The following SLC9A9 variants were observed in gnomAD, a reference collection of about 807,000 sequenced individuals.
SLC9A9 encodes the protein sodium/hydrogen exchanger 9.
SLC9A9 carries 62 observed loss-of-function variants against 77.8 expected under a neutral mutation model. The observed-to-expected ratio is 0.80, with a 90% CI of 0.65 to 0.98. The LOEUF (loss-of-function observed/expected upper bound fraction) is 0.98, where lower values mean the gene tolerates loss of function less well. Ranked by LOEUF, SLC9A9 falls within the 50% of genes least tolerant of loss-of-function variation. The pLI, the probability that SLC9A9 is intolerant of heterozygous loss-of-function variation, is 0.00. For synonymous variants in SLC9A9, 320 were observed against 283.5 expected (o/e 1.13, Z -1.29); for missense variants, 775 against 774.9 (o/e 1.00, Z 0.00).
intron 11 of SLC9A9, among the ~76,000 whole-genome samples, chr3:143,489,997 C>T (rs1204199227): frequency 1.3e-5 from 2 of 151,968 alleles, no homozygotes; most frequent in East Asian, 1.9e-4. Flanking sequence ...GGGATGACTA[C>T]CATAAGAAAA....
chr3:143,571,507 A>G (rs944195368), intron 8 of SLC9A9, among the ~76,000 whole-genome samples: 1 of 152,166 alleles, frequency 6.6e-6, no homozygotes, highest in African/African-American at 2.4e-5. Context: ...TTTCCCTAAA[A>G]TTATTATTAA....
At chr3:143,815,219 T>C (rs1422179195) in intron 2 of SLC9A9, among the ~76,000 whole-genome samples, 1 of 152,200 alleles carries the variant, frequency 6.6e-6, no homozygotes, top group Non-Finnish European at 1.5e-5. Context: ...ATCTGTGGAC[T>C]GGCCAAATTA....
chr3:143,743,127 G>A (rs758428632), intron 4 of SLC9A9, among the ~76,000 whole-genome samples: 1 of 151,836 alleles, frequency 6.6e-6, no homozygotes, highest in Non-Finnish European at 1.5e-5. Flanking sequence ...TCCACCAGTA[G>A]GAAAGGGACA....
chr3:143,326,963 A>G (rs1048095231), intron 14 of SLC9A9, among the ~76,000 whole-genome samples: 75 of 152,286 alleles, frequency 4.9e-4, no homozygotes, highest in African/African-American at 1.7e-3. Flanking sequence ...TCTTTTCCTC[A>G]GCGGTAATGA....
chr3:143,557,563 T>C (rs913349441), intron 8 of SLC9A9, among the ~76,000 whole-genome samples: 3 of 152,324 alleles, frequency 2.0e-5, no homozygotes, highest in Admixed American at 6.5e-5. Context: ...TGGAACTTCC[T>C]AGAGACTTGT....
intron 6 of SLC9A9, among the ~76,000 whole-genome samples, chr3:143,601,544 T>C (rs2037845186): frequency 1.3e-5 from 2 of 152,242 alleles, no homozygotes; most frequent in South Asian, 4.1e-4. Flanking sequence ...GCTCTTTCAC[T>C]GTATCACACA....
chr3:143,281,263 C>A (rs1165938781), intron 14 of SLC9A9, among the ~76,000 whole-genome samples: 1 of 152,158 alleles, frequency 6.6e-6, no homozygotes, highest in African/African-American at 2.4e-5. Context: ...ATCACCACAT[C>A]CTTAGCAGCC....
intron 5 of SLC9A9, among the ~76,000 whole-genome samples, chr3:143,659,230 A>G (rs999303842): frequency 2.6e-5 from 4 of 152,202 alleles, no homozygotes; most frequent in African/African-American, 9.6e-5. Flanking sequence ...GGAGTAAAAA[A>G]GCAGCAGCCA....
intron 1 of SLC9A9, among the ~76,000 whole-genome samples, chr3:143,837,354 T>C (rs1028059086): frequency 6.6e-6 from 1 of 152,190 alleles, no homozygotes; most frequent in African/African-American, 2.4e-5. Context: ...AAGTGCTACA[T>C]GATGTTGGAA....
intron 14 of SLC9A9, among the ~76,000 whole-genome samples, chr3:143,341,430 A>G (rs1501628): frequency 0.57 from 86,376 of 151,950 alleles, 26,031 homozygotes; most frequent in African/African-American, 0.76. Flanking sequence ...GGTCATAGTC[A>G]TACAATGTAA....
At chr3:143,783,150 G>T (rs756501508) in intron 4 of SLC9A9, among the ~76,000 whole-genome samples, 29 of 152,034 alleles carry the variant, frequency 1.9e-4, no homozygotes, top group Admixed American at 7.9e-4. Flanking sequence ...ACAACCTACA[G>T]AGTAGGATGC....
At chr3:143,772,121 C>A (rs569405089) in intron 4 of SLC9A9, among the ~76,000 whole-genome samples, 1 of 151,620 alleles carries the variant, frequency 6.6e-6, no homozygotes, top group East Asian at 2.0e-4. Flanking sequence ...ACAGACATGC[C>A]CCAGCCTGCT....
At chr3:143,371,490 A>C (rs1214262340) in intron 13 of SLC9A9, among the ~76,000 whole-genome samples, 3 of 152,222 alleles carry the variant, frequency 2.0e-5, no homozygotes, top group Non-Finnish European at 4.4e-5. Context: ...AGCATATCAT[A>C]ACAACTGCTA....
chr3:143,737,485 A>C (rs918805024), intron 4 of SLC9A9, among the ~76,000 whole-genome samples: 4 of 148,060 alleles, frequency 2.7e-5, no homozygotes, highest in South Asian at 2.1e-4. Flanking sequence ...TAAAAAAAAA[A>C]CCAAAAAAAA....
intron 5 of SLC9A9, among the ~76,000 whole-genome samples, chr3:143,663,765 G>A (rs1242252639): frequency 6.6e-6 from 1 of 152,026 alleles, no homozygotes. Flanking sequence ...GAAGTTTAGA[G>A]AAAAAAGAGT....
intron 12 of SLC9A9, among the ~76,000 whole-genome samples, chr3:143,460,831 T>C (rs1448229094): frequency 2.0e-5 from 3 of 152,216 alleles, no homozygotes; most frequent in African/African-American, 7.2e-5. Flanking sequence ...ACTATAGTTA[T>C]CCAATATCTC....
chr3:143,391,871 T>C (rs1456594763), intron 12 of SLC9A9, among the ~76,000 whole-genome samples: 2 of 151,926 alleles, frequency 1.3e-5, no homozygotes, highest in Admixed American at 1.3e-4. Flanking sequence ...ATCAGATGAA[T>C]GAAATGAAGC....
intron 8 of SLC9A9, among the ~76,000 whole-genome samples, chr3:143,556,930 G>A (rs1257783955): frequency 6.6e-6 from 1 of 152,204 alleles, no homozygotes; most frequent in Non-Finnish European, 1.5e-5. Context: ...CCAAGTCCAA[G>A]AGAACTGGAA....
intron 6 of SLC9A9, among the ~76,000 whole-genome samples, chr3:143,646,096 A>G (rs1347171693): frequency 6.6e-6 from 1 of 152,086 alleles, no homozygotes; most frequent in Non-Finnish European, 1.5e-5. Flanking sequence ...AACATTGCCA[A>G]TTATTAAGTA....
Sources: allele counts gnomAD v4.1 joint callset (sites outside exome capture counted in the v4.1 genomes callset), GRCh38; gene constraint gnomAD v4.1.1; transcripts MANE v1.5; gene names NCBI Gene and HGNC (gene_info 2026-07-23, HGNC 2026-07-21).